The following TNIK variants were observed in gnomAD, a reference collection of about 807,000 sequenced individuals.
The protein encoded by TNIK is TRAF2 and NCK-interacting protein kinase.
TNIK carries 49 observed loss-of-function variants against 191.3 expected under a neutral mutation model. The observed-to-expected ratio is 0.26, with a 90% CI of 0.20 to 0.32. TNIK has a LOEUF of 0.32. Among genes scored for constraint, TNIK ranks in the 10% least tolerant of loss-of-function variants. TNIK has a pLI of 1.00. For missense variants in TNIK, 1,155 were observed against 1,702.3 expected (o/e 0.68, Z 5.66); for synonymous variants, 594 against 600.9 (o/e 0.99, Z 0.17).
At chr3:171,358,376 T>C (rs1034948767) in intron 2 of TNIK, among the ~76,000 whole-genome samples, 1 of 152,154 alleles carries the variant, frequency 6.6e-6, no homozygotes, top group Non-Finnish European at 1.5e-5. Context: ...ACATCTTACA[T>C]GGTGCAGACA....
intron 2 of TNIK, among the ~76,000 whole-genome samples, chr3:171,305,009 T>TAAAAAAAAAAAA (rs36069177): frequency 1.3e-5 from 1 of 77,264 alleles, no homozygotes. Context: ...AAAGTATAAT[T>TAAAAAAAAAAAA]AAAAAAAAAA....
At chr3:171,431,168 G>A (rs1462792864) in intron 1 of TNIK, among the ~76,000 whole-genome samples, 1 of 151,994 alleles carries the variant, frequency 6.6e-6, no homozygotes, top group Non-Finnish European at 1.5e-5. Flanking sequence ...AAATGAAAAT[G>A]TTGTCTCCTA....
chr3:171,450,427 G>A (rs1281324245), intron 1 of TNIK, among the ~76,000 whole-genome samples: 1 of 152,168 alleles, frequency 6.6e-6, no homozygotes, highest in Non-Finnish European at 1.5e-5. Flanking sequence ...GATTCACTAA[G>A]ATGTCCAGGA....
At chr3:171,296,326 A>G (rs1439053779) in intron 2 of TNIK, among the ~76,000 whole-genome samples, 3 of 152,216 alleles carry the variant, frequency 2.0e-5, no homozygotes, top group Non-Finnish European at 4.4e-5. Context: ...ATGCTACTCT[A>G]GTAAAAAGGG....
At chr3:171,139,374 GCGCGCACACACACACACACACA>G (rs1730465415) in intron 14 of TNIK, 74 bp downstream of exon 14, 6 of 567,340 alleles carry the variant, frequency 1.1e-5, no homozygotes, top group African/African-American at 2.7e-5. Context: ...ACACACGCAC[GCGCGCACACACACACACACACA>G]CACACACACA....
At chr3:171,264,933 G>A (rs377348068) in intron 2 of TNIK, among the ~76,000 whole-genome samples, 1 of 152,152 alleles carries the variant, frequency 6.6e-6, no homozygotes, top group South Asian at 2.1e-4. Flanking sequence ...AGTGGGTGGC[G>A]GGGCTCCCTT....
At chr3:171,181,923 C>T (rs1314579510) in intron 7 of TNIK, among the ~76,000 whole-genome samples, 2 of 152,146 alleles carry the variant, frequency 1.3e-5, no homozygotes, top group African/African-American at 4.8e-5. Flanking sequence ...ATGGAGAGGT[C>T]TCATTTGTTA....
intron 12 of TNIK, among the ~76,000 whole-genome samples, chr3:171,143,416 G>A (rs1293939967): frequency 6.6e-6 from 1 of 152,216 alleles, no homozygotes; most frequent in South Asian, 2.1e-4. Flanking sequence ...AGCTCTCTGA[G>A]GGCAAGGCCA....
intron 2 of TNIK, among the ~76,000 whole-genome samples, chr3:171,266,760 TTCCTTC>T (rs1748451521): frequency 1.3e-5 from 2 of 152,298 alleles, no homozygotes; most frequent in East Asian, 3.9e-4. Flanking sequence ...TTGAAAACAC[TTCCTTC>T]CTCTGGCCTT....
chr3:171,277,248 G>A (rs1425355760), intron 2 of TNIK, among the ~76,000 whole-genome samples: 3 of 152,018 alleles, frequency 2.0e-5, no homozygotes, highest in Non-Finnish European at 4.4e-5. Flanking sequence ...CCAGAACTGT[G>A]AGCCAAAAAA....
intron 1 of TNIK, among the ~76,000 whole-genome samples, chr3:171,404,387 A>AT (rs1286182718): frequency 5.3e-5 from 8 of 152,094 alleles, no homozygotes; most frequent in Non-Finnish European, 7.4e-5. Context: ...ACATTTGTCA[A>AT]TTTTTTTCCC....
chr3:171,191,350 C>T (rs531344481), intron 5 of TNIK, among the ~76,000 whole-genome samples: 1 of 152,160 alleles, frequency 6.6e-6, no homozygotes, highest in African/African-American at 2.4e-5. Flanking sequence ...TGGATTCAAG[C>T]GACTGCCTCA....
intron 2 of TNIK, among the ~76,000 whole-genome samples, chr3:171,310,194 C>T (rs1753870128): frequency 6.6e-6 from 1 of 152,060 alleles, no homozygotes; most frequent in Admixed American, 6.6e-5. Flanking sequence ...TAGCTCTCTG[C>T]CTGGCAAACT....
At chr3:171,110,153 T>C (rs562513156) in intron 19 of TNIK, among the ~76,000 whole-genome samples, 7 of 152,360 alleles carry the variant, frequency 4.6e-5, no homozygotes, top group African/African-American at 1.2e-4. Context: ...GTGATCTGCC[T>C]GCCTTGGCCT....
rs573641192 is a variant in TNIK at position 171,392,953 on chromosome 3, A to G, written c.58-23268T>C. On this transcript the variant is annotated intron_variant, in intron 1 of 32. Coordinates refer to ENST00000436636, the MANE Select transcript of TNIK (RefSeq NM_015028.4). ...TTATCTGAAAGAAAGCACTTCCACA[A>G]GCTTTCTGTCACATTTTAAAATAAA... is the stretch of plus-strand genomic sequence containing the variant. Among the ~76,000 whole-genome samples the G allele has an allele frequency of 2.0e-5, 3 of 152,224 alleles. No homozygotes were observed. In the South Asian group the frequency reaches 6.2e-4, roughly 32 times the overall value.
At chr3:171,247,886 GA>G (rs56864830) in intron 2 of TNIK, among the ~76,000 whole-genome samples, 20,688 of 152,020 alleles carry the variant, frequency 0.14, 1,561 homozygotes, top group East Asian at 0.24. Context: ...TAGAGTGAAG[GA>G]AAAAATGGGA....
intron 2 of TNIK, among the ~76,000 whole-genome samples, chr3:171,251,643 T>C (rs940916533): frequency 6.6e-6 from 1 of 152,178 alleles, no homozygotes; most frequent in Middle Eastern, 3.2e-3. Flanking sequence ...ACACATACAC[T>C]ATTTGATACT....
At chr3:171,217,556 A>C (rs1454152195) in intron 3 of TNIK, among the ~76,000 whole-genome samples, 5 of 152,156 alleles carry the variant, frequency 3.3e-5, no homozygotes, top group Non-Finnish European at 7.4e-5. Flanking sequence ...AGTTGCAAAA[A>C]AAAAGTAAAG....
intron 2 of TNIK, among the ~76,000 whole-genome samples, chr3:171,232,264 G>A (rs1343423447): frequency 6.6e-6 from 1 of 151,852 alleles, no homozygotes; most frequent in African/African-American, 2.4e-5. Context: ...GCAGAAGGAT[G>A]GCTTGACTCC....
Sources: gnomAD v4.1 joint callset for allele counts (sites outside exome capture counted in the v4.1 genomes callset) on GRCh38, gnomAD v4.1.1 for gene constraint, MANE v1.5 for transcripts, NCBI Gene and HGNC (gene_info 2026-07-23, HGNC 2026-07-21) for gene names.